The following SOX5 variants were observed in gnomAD, a reference collection of about 807,000 sequenced individuals.
SOX5 encodes the protein SRY-box transcription factor 5.
In SOX5, 9 loss-of-function variants were observed where a neutral mutation model predicts 92.0. The ratio of observed to expected loss-of-function variants is 0.10; its 90% CI spans 0.06 to 0.17. SOX5 has a LOEUF of 0.17. Ranked by LOEUF, SOX5 falls within the 10% of genes least tolerant of loss-of-function variation. The pLI is 1.00. For missense variants in SOX5, 642 were observed against 944.5 expected, an observed-to-expected ratio of 0.68 and a Z score of 4.20; for synonymous variants, 344 against 336.3, an observed-to-expected ratio of 1.02 and a Z score of -0.25.
At chr12:24,331,831 A>G (rs1322459287) in intron 2 of SOX5, among the ~76,000 whole-genome samples, 1 of 141,256 alleles carries the variant, frequency 7.1e-6, no homozygotes, top group Admixed American at 7.3e-5. Flanking sequence ...CAGCCTGGGA[A>G]CAGAGCAAGA....
intron 9 of SOX5, among the ~76,000 whole-genome samples, chr12:23,595,084 A>G (rs1952157239): frequency 6.6e-6 from 1 of 152,190 alleles, no homozygotes; most frequent in Non-Finnish European, 1.5e-5. Flanking sequence ...GTGAAATTGT[A>G]AGAGTACTAC....
chr12:24,387,195 C>T (rs1192974376), intron 1 of SOX5, among the ~76,000 whole-genome samples: 3 of 152,196 alleles, frequency 2.0e-5, no homozygotes, highest in African/African-American at 7.2e-5. Context: ...TTGCTGGATA[C>T]AGCATCTCCA....
intron 8 of SOX5, among the ~76,000 whole-genome samples, chr12:23,623,710 C>T (rs1426610680): frequency 6.6e-6 from 1 of 152,002 alleles, no homozygotes; most frequent in Non-Finnish European, 1.5e-5. Context: ...ATATACTCAA[C>T]CACTAATAAT....
chr12:23,832,572 T>A (rs1403928092), intron 3 of SOX5, among the ~76,000 whole-genome samples: 1 of 152,040 alleles, frequency 6.6e-6, no homozygotes. Flanking sequence ...GGTGAAATAA[T>A]GACAATAACT....
chr12:24,508,098 A>G (rs1948972747), intron 1 of SOX5, among the ~76,000 whole-genome samples: 1 of 152,174 alleles, frequency 6.6e-6, no homozygotes. Context: ...GTTCCATGCT[A>G]AGGAGCTTGG....
intron 1 of SOX5, among the ~76,000 whole-genome samples, chr12:24,562,148 T>C (rs552119008): frequency 6.6e-6 from 1 of 151,682 alleles, no homozygotes; most frequent in African/African-American, 2.4e-5. Flanking sequence ...CCAGTCCCCC[T>C]CCCTCTGTAC....
chr12:23,535,375 C>T (rs1940133876), intron 14 of SOX5, among the ~76,000 whole-genome samples: 2 of 152,180 alleles, frequency 1.3e-5, no homozygotes, highest in South Asian at 2.1e-4. Flanking sequence ...GGAGCAGCTT[C>T]ATGGATGTAC....
chr12:24,464,444 T>A (rs902080718), intron 1 of SOX5, among the ~76,000 whole-genome samples: 72 of 152,010 alleles, frequency 4.7e-4, no homozygotes, highest in African/African-American at 1.7e-3. Flanking sequence ...GGGTTCACGC[T>A]ATTCTCCTGC....
intron 2 of SOX5, among the ~76,000 whole-genome samples, chr12:24,299,301 G>T (rs1390656389): frequency 6.6e-6 from 1 of 152,144 alleles, no homozygotes; most frequent in Middle Eastern, 3.2e-3. Flanking sequence ...TTTACGACAA[G>T]TTATCTATTT....
At chr12:23,732,067 T>C (rs1302975606) in intron 6 of SOX5, among the ~76,000 whole-genome samples, 1 of 152,138 alleles carries the variant, frequency 6.6e-6, no homozygotes, top group East Asian at 1.9e-4. Context: ...CAATTATATA[T>C]CCATTTTTAA....
intron 4 of SOX5, among the ~76,000 whole-genome samples, chr12:24,111,434 C>T (rs1947334819): frequency 6.6e-6 from 1 of 152,098 alleles, no homozygotes; most frequent in Admixed American, 6.6e-5. Context: ...AAAAGTCATG[C>T]TTTAGTATCA....
At chr12:24,385,810 T>C (rs902711252) in intron 1 of SOX5, among the ~76,000 whole-genome samples, 3 of 151,278 alleles carry the variant, frequency 2.0e-5, no homozygotes, top group Non-Finnish European at 2.9e-5. Context: ...TGCATTTCTA[T>C]AGTCCCAGCT....
rs12368515 is a variant in SOX5 at position 24,203,498 on chromosome 12, C to T, written c.-2+9845G>A. ...AGAGCTGGGAATATTTAAATGAACA[C>T]ACGCATATACTCCCATTTCATTATT... is the stretch of plus-strand genomic sequence containing the variant. On this transcript the variant is annotated intron_variant, in intron 4 of 4. Transcript: ENST00000446891. Among the ~76,000 whole-genome samples the T allele has an allele frequency of 3.1e-4, 47 of 152,206 alleles. 2 individuals carry two copies. Among genetic ancestry groups the T allele is most frequent in the African/African-American group, 1.1e-3 (45 of 41,524 alleles).
chr12:24,083,723 A>G (rs544805720), intron 4 of SOX5, among the ~76,000 whole-genome samples: 1 of 152,206 alleles, frequency 6.6e-6, no homozygotes, highest in African/African-American at 2.4e-5. Flanking sequence ...GGGGTTTGGG[A>G]AAGAGTAGAG....
At chr12:24,088,832 A>G (rs1944316226) in intron 4 of SOX5, among the ~76,000 whole-genome samples, 1 of 152,000 alleles carries the variant, frequency 6.6e-6, no homozygotes, top group Non-Finnish European at 1.5e-5. Context: ...AATTAGGGGG[A>G]TATTTTTCAA....
At chr12:24,496,188 C>G (rs920188861) in intron 1 of SOX5, among the ~76,000 whole-genome samples, 1 of 152,136 alleles carries the variant, frequency 6.6e-6, no homozygotes, top group Non-Finnish European at 1.5e-5. Flanking sequence ...CATTTTCAAG[C>G]AACTCCTACA....
chr12:24,225,117 C>T (rs914440546), intron 3 of SOX5, among the ~76,000 whole-genome samples: 1 of 152,184 alleles, frequency 6.6e-6, no homozygotes, highest in African/African-American at 2.4e-5. Flanking sequence ...ACAAATTCTA[C>T]CCAGATCAAA....
At chr12:24,280,111 G>T (rs1356965053) in intron 2 of SOX5, among the ~76,000 whole-genome samples, 1 of 151,946 alleles carries the variant, frequency 6.6e-6, no homozygotes, top group Non-Finnish European at 1.5e-5. Flanking sequence ...TCATTTTATG[G>T]ACTAATGTAC....
rs10553341 is a variant in SOX5, at chr12:23,858,069, A to ATG, written c.271-11878_271-11877dup. 1.3e-3 allele frequency among the ~76,000 whole-genome samples: 192 copies of ATG among 150,640 alleles called. 2 individuals carry two copies. The highest frequency in any genetic ancestry group is 3.1e-3 in the African/African-American group (126 of 41,016). On this transcript the variant is annotated intron_variant, in intron 2 of 14. Transcript: ENST00000451604. ...TTTATTTGTAATTTAATATGCCTGTATGTGTGTGTGTGTGTGTGTGTATAT... is the reference window on the plus strand; with the variant it reads ...TTTATTTGTAATTTAATATGCCTGTATGTGTGTGTGTGTGTGTGTGTGTATAT...
Sources: gnomAD v4.1 joint callset for allele counts (sites outside exome capture counted in the v4.1 genomes callset) on GRCh38, gnomAD v4.1.1 for gene constraint, MANE v1.5 for transcripts, NCBI Gene and HGNC (gene_info 2026-07-23, HGNC 2026-07-21) for gene names.